Variants in GAB1 observed in about 807,000 individuals in gnomAD.
GAB1 encodes GRB2 associated binding protein 1, also known as GRB2-associated-binding protein 1.
In GAB1, 19 loss-of-function variants were observed where a neutral mutation model predicts 66.5. That is an observed-to-expected ratio of 0.29 (90% CI 0.20 to 0.42). GAB1 has a LOEUF of 0.42. Among genes scored for constraint, GAB1 ranks in the 10% least tolerant of loss-of-function variants. The pLI, the probability that GAB1 is intolerant of heterozygous loss-of-function variation, is 1.00. For missense variants in GAB1, 732 were observed against 858.5 expected, an observed-to-expected ratio of 0.85 and a Z score of 1.84; for synonymous variants, 294 against 301.4, an observed-to-expected ratio of 0.98 and a Z score of 0.25.
chr4:143,459,456 A>G lies in GAB1; in HGVS notation c.1657A>G (p.Ile553Val). ...ATTACAAGCCCCAGTTAGATCTCCC[A>G]TCACTAGGAGTTTTGCTCGAGAGTA... ...EELQAPVRSP[I>V]TRSFARDSSR... is the part of the protein sequence containing the mutation. The change falls in exon 7 of 10, where the codon ATC becomes GTC. Residue 553 changes from isoleucine to valine, a missense_variant. Transcript: ENST00000262994. 3 of 1,597,068 alleles carry G rather than the reference A, an allele frequency of 1.9e-6. No individual in the cohort carries two copies. The highest frequency in any genetic ancestry group is 1.1e-5 in the South Asian group (1 of 90,768).
chr4:143,439,950 G>A, intron 5 of GAB1, 63 bp downstream of exon 5: 1 of 1,404,152 alleles, frequency 7.1e-7, no homozygotes. Flanking sequence ...CATAATTAGT[G>A]CCATGAGACT....
At chr4:143,435,699 C>G (rs1433778915) in intron 3 of GAB1, among the ~76,000 whole-genome samples, 2 of 152,164 alleles carry the variant, frequency 1.3e-5, no homozygotes, top group Non-Finnish European at 2.9e-5. Flanking sequence ...ATATAGTCTA[C>G]TCAGATATAG....
intron 2 of GAB1, among the ~76,000 whole-genome samples, chr4:143,416,200 T>G (rs1161265256): frequency 6.6e-6 from 1 of 151,058 alleles, no homozygotes; most frequent in Non-Finnish European, 1.5e-5. Flanking sequence ...GGTCAGGAGA[T>G]CAAGACCATC....
At chr4:143,358,769 G>A (rs1729544786) in intron 1 of GAB1, among the ~76,000 whole-genome samples, 1 of 152,162 alleles carries the variant, frequency 6.6e-6, no homozygotes, top group Admixed American at 6.5e-5. Context: ...AAAGCTAAAT[G>A]AAATTTAAAT....
chr4:143,448,425 C>G (rs1381042106), intron 6 of GAB1, among the ~76,000 whole-genome samples: 1 of 151,760 alleles, frequency 6.6e-6, no homozygotes, highest in African/African-American at 2.4e-5. Context: ...TGGTCCTGGA[C>G]TCTTTTTGGT....
intron 6 of GAB1, among the ~76,000 whole-genome samples, chr4:143,453,267 A>C (rs1034399262): frequency 1.3e-5 from 2 of 152,144 alleles, no homozygotes; most frequent in African/African-American, 4.8e-5. Context: ...AATACACGTA[A>C]ATTTTATAAA....
At position 143,438,080 on chromosome 4, in the gene GAB1, C is replaced by G. The variant is rs761172401; in HGVS notation, c.675C>G (p.Ser225=). The change falls in exon 4 of 10, where the codon TCC becomes TCG. Residue 225 remains serine, a synonymous_variant. Transcript: ENST00000262994. ...TCCCTTCTCATAAAAATCCTGCTTC[C>G]TCCCAGAGCAAACATGGAATGAATG... is the stretch of plus-strand genomic sequence containing the variant. ...DNVPSHKNPA[S]SQSKHGMNGF... is the part of the protein sequence containing the mutation. 6.2e-7 allele frequency: 1 copy of G among 1,614,058 alleles called. No homozygotes were observed. The highest frequency in any genetic ancestry group is 1.1e-5 in the South Asian group (1 of 91,080).
chr4:143,446,815 A>C (rs1224545226), intron 6 of GAB1, among the ~76,000 whole-genome samples: 4 of 150,652 alleles, frequency 2.7e-5, no homozygotes, highest in Non-Finnish European at 4.5e-5. Context: ...CCCATTTGTC[A>C]ATTTTGGCTT....
At chr4:143,434,077 T>C (rs1007607626) in intron 3 of GAB1, 10 of 1,281,276 alleles carry the variant, frequency 7.8e-6, no homozygotes, top group African/African-American at 4.5e-5. Context: ...TCTTATGTGA[T>C]TGTAAACCAG....
Position 143,337,257 on chromosome 4 carries a change from T to C in GAB1, c.69T>C (p.Arg23=), listed in dbSNP as rs1192498321. Reference sequence around the variant, plus strand: ...CCCCCCCGGAGAAAAAGTTGAAGCGTTATGTAAGTAGAGCTGCGGGCACCA... The same window carrying C: ...CCCCCCCGGAGAAAAAGTTGAAGCGCTATGTAAGTAGAGCTGCGGGCACCA... ...RKSPPEKKLK[R]YAWKRRWFVL... is the part of the protein sequence containing the mutation. The change falls in exon 1 of 10, where the codon CGT becomes CGC. Residue 23 remains arginine (R), a synonymous_variant. Transcript: ENST00000262994. 1 of 1,576,786 alleles carries C rather than the reference T, an allele frequency of 6.3e-7. No homozygotes were observed. The highest frequency in any genetic ancestry group is 8.6e-7 in the Non-Finnish European group (1 of 1,160,566).
At chr4:143,350,637 C>T (rs1227216448) in intron 1 of GAB1, among the ~76,000 whole-genome samples, 1 of 134,786 alleles carries the variant, frequency 7.4e-6, no homozygotes, top group Non-Finnish European at 1.5e-5. Flanking sequence ...GAGATCTCGT[C>T]ATTGCACTCC....
rs2229879 is a variant in GAB1 at position 143,438,535 on chromosome 4, C to T, written c.1130C>T (p.Thr377Ile). The change falls in exon 4 of 10, where the codon ACA becomes ATA. Residue 377 changes from threonine to isoleucine, a missense_variant. Thr to Ile is a moderately conservative substitution (Grantham distance 89, BLOSUM62 -1). Coordinates refer to ENST00000262994, the MANE Select transcript of GAB1 (RefSeq NM_002039.4). The stretch of plus-strand genomic sequence containing the variant: ...ACTGACAGTAGTTACTGTATCCCTA[C>T]AGCAGGGATGTCGCCTTCACGTAGT... Reference protein sequence around the residue: ...SDTDSSYCIPTAGMSPSRSNT... With the variant: ...SDTDSSYCIPIAGMSPSRSNT... 77 of 1,614,034 alleles carry T rather than the reference C, an allele frequency of 4.8e-5. No homozygotes were observed. The East Asian group carries it at 1.6e-3, about 33-fold the overall frequency.
intron 4 of GAB1, chr4:143,439,542 T>G (rs943368258): frequency 2.3e-5 from 9 of 394,772 alleles, no homozygotes; most frequent in African/African-American, 1.8e-4. Context: ...TTAGATAACC[T>G]ATCTTATCCC....
At chr4:143,443,655 A>G (rs1259349538) in intron 6 of GAB1, among the ~76,000 whole-genome samples, 1 of 152,222 alleles carries the variant, frequency 6.6e-6, no homozygotes, top group African/African-American at 2.4e-5. Context: ...AAAACTCATT[A>G]TAAGCAAATC....
At chr4:143,395,534 T>C (rs548429380) in intron 1 of GAB1, 5 of 196,106 alleles carry the variant, frequency 2.5e-5, no homozygotes, top group Non-Finnish European at 3.2e-5. Context: ...ACAAAATCCA[T>C]GTTTTCGTGG....
chr4:143,343,128 C>A (rs1161938364), intron 1 of GAB1, among the ~76,000 whole-genome samples: 1 of 151,998 alleles, frequency 6.6e-6, no homozygotes, highest in Admixed American at 6.6e-5. Flanking sequence ...CCATTCTGAT[C>A]CTCAGTTTCC....
intron 7 of GAB1, among the ~76,000 whole-genome samples, chr4:143,459,849 ATAATTTT>A (rs1418775622): frequency 1.3e-5 from 2 of 152,204 alleles, no homozygotes; most frequent in Admixed American, 6.5e-5. Context: ...GGGATTCTCA[ATAATTTT>A]TAAGAGTGTA....
intron 1 of GAB1, among the ~76,000 whole-genome samples, chr4:143,390,183 A>G (rs1011694346): frequency 1.3e-5 from 2 of 152,122 alleles, no homozygotes; most frequent in Non-Finnish European, 2.9e-5. Context: ...TTCATCCACT[A>G]AGCTGTTTCT....
chr4:143,421,660 G>GA (rs1733023469), intron 2 of GAB1, among the ~76,000 whole-genome samples: 1 of 143,430 alleles, frequency 7.0e-6, no homozygotes. Flanking sequence ...GAGTTTTTAG[G>GA]TTTTTTTTCT....
Sources: gnomAD v4.1 joint callset for allele counts (sites outside exome capture counted in the v4.1 genomes callset) on GRCh38, gnomAD v4.1.1 for gene constraint, MANE v1.5 for transcripts, NCBI Gene and HGNC (gene_info 2026-07-23, HGNC 2026-07-21) for gene names.